SHROOM3: variants seen among roughly 807,000 people sequenced by gnomAD.
The protein encoded by SHROOM3 is protein Shroom3.
In SHROOM3, 47 loss-of-function variants were observed where a neutral mutation model predicts 138.6. That is an observed-to-expected ratio of 0.34 (90% CI 0.27 to 0.43). The LOEUF is 0.43. SHROOM3 is among the 20% of genes least tolerant of loss of function. The pLI, the probability that SHROOM3 is intolerant of heterozygous loss-of-function variation, is 1.00. For missense variants in SHROOM3, 2,491 were observed against 2,596.5 expected (o/e 0.96, Z 0.88); for synonymous variants, 1,062 against 1,063.3 (o/e 1.00, Z 0.02).
At chr4:76,760,780 C>T (rs757400717) in intron 9 of SHROOM3, among the ~76,000 whole-genome samples, 4 of 152,216 alleles carry the variant, frequency 2.6e-5, no homozygotes, top group Non-Finnish European at 4.4e-5. Context: ...TACCCCAGCA[C>T]TGCTGAGCAC....
At chr4:76,751,884 T>C (rs1004470468) in intron 6 of SHROOM3, among the ~76,000 whole-genome samples, 2 of 152,212 alleles carry the variant, frequency 1.3e-5, no homozygotes, top group South Asian at 4.1e-4. Context: ...GGTGCAGCCG[T>C]ATGAAAAACA....
At chr4:76,650,671 A>G (rs1170153241) in intron 2 of SHROOM3, among the ~76,000 whole-genome samples, 1 of 151,932 alleles carries the variant, frequency 6.6e-6, no homozygotes, top group Non-Finnish European at 1.5e-5. Context: ...CAGCCTCCCA[A>G]GTAGCTGGGA....
chr4:76,603,838 C>CTTTTTTTTTT (rs993165829), intron 2 of SHROOM3, among the ~76,000 whole-genome samples: 8 of 97,268 alleles, frequency 8.2e-5, no homozygotes, highest in African/African-American at 1.2e-4. Flanking sequence ...ATCTTGTATT[C>CTTTTTTTTTT]TTTTTTTTTT....
chr4:76,533,375 A>G (rs75430126), intron 1 of SHROOM3, among the ~76,000 whole-genome samples: 2,114 of 152,342 alleles, frequency 0.014, 57 homozygotes, highest in African/African-American at 0.049. Flanking sequence ...AGACATTTAA[A>G]AACCTAAAGG....
chr4:76,499,281 G>C (rs1037401725), intron 1 of SHROOM3, among the ~76,000 whole-genome samples: 71 of 152,268 alleles, frequency 4.7e-4, no homozygotes, highest in South Asian at 1.0e-3. Flanking sequence ...ATCTCTTTGA[G>C]CCTTCTCTCA....
intron 1 of SHROOM3, among the ~76,000 whole-genome samples, chr4:76,454,491 G>A (rs1490813945): frequency 6.6e-6 from 1 of 152,096 alleles, no homozygotes; most frequent in East Asian, 1.9e-4. Flanking sequence ...TTGATTTCTG[G>A]ACTCTCTCTA....
intron 2 of SHROOM3, among the ~76,000 whole-genome samples, chr4:76,694,902 C>T (rs545820649): frequency 6.6e-6 from 1 of 152,246 alleles, no homozygotes; most frequent in South Asian, 2.1e-4. Context: ...GTGAGGAAAC[C>T]AAAATCATAG....
intron 2 of SHROOM3, among the ~76,000 whole-genome samples, chr4:76,699,095 C>T (rs950979448): frequency 1.3e-5 from 2 of 152,124 alleles, no homozygotes; most frequent in Non-Finnish European, 2.9e-5. Context: ...GTTATTAAGC[C>T]ACAGGGTAGA....
At chr4:76,574,697 A>G (rs534991682) in intron 2 of SHROOM3, among the ~76,000 whole-genome samples, 8 of 152,350 alleles carry the variant, frequency 5.3e-5, no homozygotes, top group African/African-American at 1.9e-4. Flanking sequence ...TAAGGACATT[A>G]TGCTAAGTGA....
intron 2 of SHROOM3, among the ~76,000 whole-genome samples, chr4:76,632,475 C>G (rs1205814341): frequency 6.6e-6 from 1 of 152,142 alleles, no homozygotes. Context: ...CAATAGTGAG[C>G]TGTGATGAAT....
intron 1 of SHROOM3, among the ~76,000 whole-genome samples, chr4:76,454,855 C>A (rs1343454495): frequency 6.6e-6 from 1 of 152,144 alleles, no homozygotes; most frequent in Non-Finnish European, 1.5e-5. Context: ...AGTTTTCATG[C>A]ATGCTTTTTG....
chr4:76,668,819 C>A (rs1440350472), intron 2 of SHROOM3, among the ~76,000 whole-genome samples: 1 of 152,208 alleles, frequency 6.6e-6, no homozygotes. Flanking sequence ...TGCTTCGTTA[C>A]TCCAGGACTG....
Position 76,647,914 on chromosome 4 carries a change from T to C in SHROOM3, c.324-62242T>C, listed in dbSNP as rs528559325. ...ACTCTGTCTCAAATAATAATAATAA[T>C]ACAGAAAAAAACTATGGACCTAGAT... On this transcript the variant is annotated intron_variant, in intron 2 of 10. Coordinates refer to ENST00000296043, the MANE Select transcript of SHROOM3 (RefSeq NM_020859.4). Among the ~76,000 whole-genome samples the C allele has an allele frequency of 1.1e-4, 16 of 152,060 alleles. 1 individual carries two copies. In the South Asian group the frequency reaches 3.1e-3, roughly 30 times the overall value.
At chr4:76,703,838 T>C (rs1419162794) in intron 2 of SHROOM3, among the ~76,000 whole-genome samples, 7 of 152,194 alleles carry the variant, frequency 4.6e-5, no homozygotes, top group Non-Finnish European at 1.0e-4. Flanking sequence ...GAGGACAAAC[T>C]TAGCCCTGTA....
intron 8 of SHROOM3, among the ~76,000 whole-genome samples, chr4:76,757,766 G>T (rs1473847379): frequency 6.6e-6 from 1 of 151,990 alleles, no homozygotes; most frequent in Admixed American, 6.6e-5. Context: ...ATTTCTCCTG[G>T]GTTACTGCAG....
chr4:76,572,460 C>T (rs1733851510), intron 2 of SHROOM3, among the ~76,000 whole-genome samples: 1 of 152,192 alleles, frequency 6.6e-6, no homozygotes, highest in South Asian at 2.1e-4. Context: ...GACACTTCCC[C>T]TGAGGACTAT....
intron 1 of SHROOM3, among the ~76,000 whole-genome samples, chr4:76,467,407 G>A (rs1731271308): frequency 6.6e-6 from 1 of 152,086 alleles, no homozygotes; most frequent in Non-Finnish European, 1.5e-5. Context: ...TAAGCTGCCT[G>A]AAATCGCATG....
chr4:76,709,631 A>G (rs918100756), intron 2 of SHROOM3: 14 of 170,712 alleles, frequency 8.2e-5, no homozygotes, highest in African/African-American at 3.4e-4. Flanking sequence ...AATCTAAACA[A>G]TCTGAAATAG....
chr4:76,598,255 T>C (rs543754465), intron 2 of SHROOM3, among the ~76,000 whole-genome samples: 46 of 152,112 alleles, frequency 3.0e-4, no homozygotes, highest in Middle Eastern at 3.4e-3. Flanking sequence ...CTCGATCTCC[T>C]GACCTCGTGA....
Sources: allele counts gnomAD v4.1 joint callset (sites outside exome capture counted in the v4.1 genomes callset), GRCh38; gene constraint gnomAD v4.1.1; transcripts MANE v1.5; gene names NCBI Gene and HGNC (gene_info 2026-07-23, HGNC 2026-07-21).